Variants in SNTG2 observed in about 807,000 individuals in gnomAD.
The protein encoded by SNTG2 is syntrophin gamma 2.
In SNTG2, 74 loss-of-function variants were observed where a neutral mutation model predicts 70.9. The ratio of observed to expected loss-of-function variants is 1.04; its 90% CI spans 0.86 to 1.27. The LOEUF is 1.27. SNTG2 is among the 50% of genes most tolerant of loss of function. The pLI, the probability that SNTG2 is intolerant of heterozygous loss-of-function variation, is 0.00. For missense variants in SNTG2, 717 were observed against 690.7 expected, an observed-to-expected ratio of 1.04 and a Z score of -0.43; for synonymous variants, 278 against 273.8, an observed-to-expected ratio of 1.02 and a Z score of -0.15.
rs1659910499 is a variant in SNTG2, at chr2:1,016,847, A to G, written c.72+65779A>G. Reference sequence around the variant, plus strand: ...CTGTGTGTTGAAAGGTGAAGCTGGTACATGAATGCCCTCAGTGCACAGCCT... The same window carrying G: ...CTGTGTGTTGAAAGGTGAAGCTGGTGCATGAATGCCCTCAGTGCACAGCCT... On this transcript the variant is annotated intron_variant, in intron 1 of 16. Transcript: ENST00000308624. Among the ~76,000 whole-genome samples, 3 of 152,226 alleles carry G rather than the reference A, an allele frequency of 2.0e-5. No homozygotes were observed. In the South Asian group the frequency reaches 6.2e-4, roughly 31 times the overall value.
chr2:1,145,421 T>A (rs954121156), intron 6 of SNTG2, among the ~76,000 whole-genome samples: 37 of 152,208 alleles, frequency 2.4e-4, no homozygotes, highest in Admixed American at 2.1e-3. Flanking sequence ...CCTATGGACA[T>A]GACATACACC....
intron 1 of SNTG2, among the ~76,000 whole-genome samples, chr2:1,077,988 A>T (rs568051812): frequency 6.6e-6 from 1 of 151,930 alleles, no homozygotes; most frequent in African/African-American, 2.4e-5. Flanking sequence ...GGTGGATTTT[A>T]TGTTTTCATG....
intron 1 of SNTG2, among the ~76,000 whole-genome samples, chr2:1,060,109 G>A (rs1662715290): frequency 6.6e-6 from 1 of 152,114 alleles, no homozygotes; most frequent in Non-Finnish European, 1.5e-5. Context: ...TTACCTGCAG[G>A]CCTTAGTGTA....
chr2:1,220,476 T>C (rs575810304), intron 9 of SNTG2, among the ~76,000 whole-genome samples: 8 of 152,282 alleles, frequency 5.3e-5, no homozygotes, highest in Admixed American at 3.9e-4. Flanking sequence ...TGCTCTGCCT[T>C]GTTGCCTCAT....
intron 16 of SNTG2, among the ~76,000 whole-genome samples, chr2:1,366,058 C>T (rs1446280067): frequency 6.6e-6 from 1 of 152,110 alleles, no homozygotes; most frequent in Non-Finnish European, 1.5e-5. Context: ...CTTAGCGTTG[C>T]TCTTCTTCTT....
intron 1 of SNTG2, among the ~76,000 whole-genome samples, chr2:1,005,419 G>A (rs114634702): frequency 1.6e-3 from 236 of 152,108 alleles, no homozygotes; most frequent in African/African-American, 5.3e-3. Flanking sequence ...ATGTGGGGGC[G>A]GTGGGGGTAC....
chr2:995,256 G>A (rs2147981809), intron 1 of SNTG2, among the ~76,000 whole-genome samples: 1 of 151,968 alleles, frequency 6.6e-6, no homozygotes, highest in East Asian at 1.9e-4. Flanking sequence ...TAGTTTGATG[G>A]ACATTTTTAT....
intron 1 of SNTG2, among the ~76,000 whole-genome samples, chr2:971,259 C>T (rs1660730305): frequency 6.6e-6 from 1 of 152,132 alleles, no homozygotes; most frequent in Non-Finnish European, 1.5e-5. Context: ...GTGAATTTGT[C>T]TGGTCCTGGG....
chr2:1,274,295 C>A (rs1203576933), intron 14 of SNTG2, among the ~76,000 whole-genome samples: 2 of 152,190 alleles, frequency 1.3e-5, no homozygotes, highest in Non-Finnish European at 2.9e-5. Context: ...ATGCTCATAA[C>A]AGCTTCATTT....
At chr2:1,148,223 T>G (rs930171794) in intron 6 of SNTG2, among the ~76,000 whole-genome samples, 2 of 152,212 alleles carry the variant, frequency 1.3e-5, no homozygotes, top group African/African-American at 4.8e-5. Flanking sequence ...TGGAAAACTG[T>G]GAAATACGGA....
At chr2:1,281,916 C>T (rs1337809147) in intron 14 of SNTG2, among the ~76,000 whole-genome samples, 6 of 152,110 alleles carry the variant, frequency 3.9e-5, no homozygotes, top group African/African-American at 1.4e-4. Context: ...TCCTCAAGCC[C>T]GGGAGGAGGT....
At chr2:1,325,069 T>A (rs554705467) in intron 16 of SNTG2, among the ~76,000 whole-genome samples, 1 of 152,350 alleles carries the variant, frequency 6.6e-6, no homozygotes, top group Admixed American at 6.5e-5. Context: ...CAAGGTACTA[T>A]TTACTGGCCC....
intron 16 of SNTG2, among the ~76,000 whole-genome samples, chr2:1,322,353 T>C (rs967937558): frequency 6.6e-6 from 1 of 152,056 alleles, no homozygotes. Context: ...GACACGGGAA[T>C]ATTTAGGGCC....
intron 6 of SNTG2, among the ~76,000 whole-genome samples, chr2:1,159,039 T>G (rs1299597434): frequency 6.6e-6 from 1 of 152,170 alleles, no homozygotes; most frequent in African/African-American, 2.4e-5. Context: ...TGCATGTGTG[T>G]GCATGTATGT....
intron 8 of SNTG2, among the ~76,000 whole-genome samples, chr2:1,179,034 G>T (rs1399357082): frequency 5.3e-5 from 8 of 152,142 alleles, no homozygotes; most frequent in Non-Finnish European, 1.2e-4. Context: ...AGTCTTGGGA[G>T]GGTGTATGTG....
At position 1,310,078 on chromosome 2, in the gene SNTG2, C is replaced by T. The variant is rs75535381; in HGVS notation, c.1377+1492C>T. Among the ~76,000 whole-genome samples, 777 of 152,348 alleles carry T rather than the reference C, an allele frequency of 5.1e-3. 6 individuals carry two copies. Among genetic ancestry groups the T allele is most frequent in the African/African-American group, 0.017 (707 of 41,578 alleles). ...CTTAAAGAGAACACCTGATTTGTAA[C>T]TTCTGCTTCTTGCTCTGTGTTTCAA... On this transcript the variant is annotated intron_variant, in intron 15 of 16. Transcript: ENST00000308624.
At chr2:1,332,441 C>T (rs1659583557) in intron 16 of SNTG2, among the ~76,000 whole-genome samples, 1 of 152,090 alleles carries the variant, frequency 6.6e-6, no homozygotes, top group Admixed American at 6.6e-5. Context: ...GCCAGTATCA[C>T]CCTAATGCCA....
chr2:1,228,671 G>T (rs995418750), intron 9 of SNTG2, among the ~76,000 whole-genome samples: 1 of 152,214 alleles, frequency 6.6e-6, no homozygotes, highest in Admixed American at 6.5e-5. Flanking sequence ...TCGTTGTCAG[G>T]TGTGCAGCCT....
chr2:975,027 A>G (rs1660863773), intron 1 of SNTG2, among the ~76,000 whole-genome samples: 1 of 152,176 alleles, frequency 6.6e-6, no homozygotes, highest in African/African-American at 2.4e-5. Context: ...ACACATGGAT[A>G]TCACACACAC....
Sources: allele counts gnomAD v4.1 joint callset (sites outside exome capture counted in the v4.1 genomes callset), GRCh38; gene constraint gnomAD v4.1.1; transcripts MANE v1.5; gene names NCBI Gene and HGNC (gene_info 2026-07-23, HGNC 2026-07-21).